Variants in CSF2RA observed in about 807,000 individuals in gnomAD.
CSF2RA encodes the protein colony stimulating factor 2 receptor subunit alpha, also known as granulocyte-macrophage colony-stimulating factor receptor subunit alpha.
In CSF2RA, 42 loss-of-function variants were observed where a neutral mutation model predicts 51.6. The observed-to-expected ratio is 0.81, with a 90% confidence interval of 0.64 to 1.05. The LOEUF (loss-of-function observed/expected upper bound fraction) is 1.05, where lower values mean the gene tolerates loss of function less well. CSF2RA is among the 50% of genes least tolerant of loss of function. The probability of loss-of-function intolerance (pLI) is 0.00; values close to 1 mark genes in which losing one functional copy is unlikely to be tolerated. For synonymous variants in CSF2RA, 222 were observed against 193.0 expected, an observed-to-expected ratio of 1.15 and a Z score of -1.24; for missense variants, 530 against 501.1, an observed-to-expected ratio of 1.06 and a Z score of -0.55.
At chrX:1,295,913 T>A (rs28669733) in intron 9 of CSF2RA, among the ~76,000 whole-genome samples, 1 of 115,612 alleles carries the variant, frequency 8.6e-6, no homozygotes, top group Non-Finnish European at 1.8e-5. Flanking sequence ...CCCCTACCGA[T>A]GACCTCCAGC....
At chrX:1,317,913 C>A in the CSF2RA span, among the ~76,000 whole-genome samples, 1 of 151,288 alleles carries the variant, frequency 6.6e-6, no homozygotes, top group African/African-American at 2.4e-5. Flanking sequence ...CTTAAACAAT[C>A]CTCCCACCTC....
rs372561930 is a variant in CSF2RA, at chrX:1,309,795, G to T, written c.*316G>T. 4.8e-6 allele frequency: 3 copies of T among 627,278 alleles called. No individual in the cohort carries two copies. Among genetic ancestry groups the T allele is most frequent in the African/African-American group, 1.8e-5 (1 of 54,740 alleles). The allele number at this position is 627,278 out of a possible 1,614,324, so 38.9% of individuals were successfully genotyped here. ...CCCAGCTACTTGGGAGGCTGAGGCA[G>T]GAGAATTGCTTGAACCCGTGAGGCG... is the stretch of plus-strand genomic sequence containing the variant. On this transcript the variant is annotated 3_prime_UTR_variant, in exon 13 of 13. Transcript: ENST00000381529.
intron 9 of CSF2RA, 48 bp downstream of exon 9, chrX:1,295,504 G>C (rs372756302): frequency 1.3e-6 from 2 of 1,552,794 alleles, no homozygotes; most frequent in Admixed American, 3.6e-5. Context: ...GTAACCCTAC[G>C]GTCCCCTACT....
chrX:1,318,857 C>A, the CSF2RA span, among the ~76,000 whole-genome samples: 1 of 146,826 alleles, frequency 6.8e-6, no homozygotes, highest in East Asian at 2.1e-4. Flanking sequence ...GCGGAGCTTG[C>A]AGTGAGCCGA....
At chrX:1,306,739 A>G (rs1405906310) in intron 12 of CSF2RA, among the ~76,000 whole-genome samples, 2 of 151,898 alleles carry the variant, frequency 1.3e-5, no homozygotes. Flanking sequence ...AGACAAAGAC[A>G]GAGAGACACA....
chrX:1,280,847 TCTC>T (rs1288485826), intron 2 of CSF2RA, among the ~76,000 whole-genome samples: 2 of 41,746 alleles, frequency 4.8e-5, no homozygotes, highest in Non-Finnish European at 9.0e-5. Context: ...TCCTCCTTCC[TCTC>T]CTTCTCCTCC....
chrX:1,319,840 G>A, the CSF2RA span, among the ~76,000 whole-genome samples: 14 of 148,000 alleles, frequency 9.5e-5, no homozygotes, highest in Non-Finnish European at 9.0e-5. Context: ...TCACCCTCCC[G>A]AGTAGCTGGG....
the CSF2RA span, among the ~76,000 whole-genome samples, chrX:1,322,356 T>C: frequency 4.0e-5 from 6 of 148,212 alleles, no homozygotes; most frequent in Admixed American, 1.4e-4. Context: ...TCGTGATCCG[T>C]CCACCTCAGC....
At chrX:1,314,351 C>T (rs750760980), downstream of CSF2RA, among the ~76,000 whole-genome samples, 1 of 142,758 alleles carries the variant, frequency 7.0e-6, no homozygotes, top group African/African-American at 2.6e-5. Context: ...CTGCGCCTGC[C>T]CAACCCCACT....
At chrX:1,291,137 G>C (rs2091352350) in intron 7 of CSF2RA, among the ~76,000 whole-genome samples, 1 of 152,028 alleles carries the variant, frequency 6.6e-6, no homozygotes, top group Non-Finnish European at 1.5e-5. Flanking sequence ...GGCCGGGCTA[G>C]TCTCGAACTC....
the CSF2RA span, among the ~76,000 whole-genome samples, chrX:1,325,110 C>A: frequency 5.4e-4 from 82 of 151,566 alleles, no homozygotes; most frequent in African/African-American, 1.9e-3. Flanking sequence ...CCTGTCATCC[C>A]AGCACTTTGG....
chrX:1,299,342 G>A (rs1331874699), intron 9 of CSF2RA, among the ~76,000 whole-genome samples: 4 of 152,178 alleles, frequency 2.6e-5, no homozygotes, highest in Non-Finnish European at 5.9e-5. Context: ...GAGTATGCTA[G>A]ACTTGGGGAT....
At chrX:1,315,204 A>G (rs2084523515), downstream of CSF2RA, among the ~76,000 whole-genome samples, 1 of 152,078 alleles carries the variant, frequency 6.6e-6, no homozygotes, top group Non-Finnish European at 1.5e-5. Flanking sequence ...AGATTCTATG[A>G]TGAGGACAGG....
downstream of CSF2RA, among the ~76,000 whole-genome samples, chrX:1,314,339 C>T (rs1390703219): frequency 8.8e-4 from 101 of 114,692 alleles, no homozygotes; most frequent in African/African-American, 1.1e-3. Flanking sequence ...TGCCCAACCC[C>T]ACTGCGCCTG....
At chrX:1,314,260 C>CCACACAGCAACTG, downstream of CSF2RA, among the ~76,000 whole-genome samples, 1 of 51,040 alleles carries the variant, frequency 2.0e-5, no homozygotes, top group Admixed American at 2.1e-4. Flanking sequence ...ACCTGCCCAA[C>CCACACAGCAACTG]CCCACTGCGC....
chrX:1,291,150 G>A (rs1356885057), intron 7 of CSF2RA, among the ~76,000 whole-genome samples: 1 of 152,002 alleles, frequency 6.6e-6, no homozygotes, highest in Non-Finnish European at 1.5e-5. Context: ...TCGAACTCCT[G>A]ACCTCAGATG....
intron 9 of CSF2RA, among the ~76,000 whole-genome samples, chrX:1,296,062 C>T (rs1180441328): frequency 1.3e-5 from 2 of 150,966 alleles, no homozygotes; most frequent in Non-Finnish European, 3.0e-5. Flanking sequence ...ACCATACAGT[C>T]CCCTACCCAT....
At chrX:1,290,175 T>A (rs2091260903) in intron 6 of CSF2RA, among the ~76,000 whole-genome samples, 162 bp from the exon 7 acceptor site, 1 of 151,938 alleles carries the variant, frequency 6.6e-6, no homozygotes, top group South Asian at 2.1e-4. Context: ...TTTTGTTTTG[T>A]GTTTTGTGTT....
intron 3 of CSF2RA, 47 bp from the exon 4 acceptor site, chrX:1,285,731 A>G (rs753523106): frequency 5.3e-6 from 5 of 944,898 alleles, no homozygotes; most frequent in African/African-American, 3.4e-5. Flanking sequence ...AAAAAAAAAA[A>G]GGAAAAGAAA....
Sources: gnomAD v4.1 joint callset for allele counts (sites outside exome capture counted in the v4.1 genomes callset) on GRCh38, gnomAD v4.1.1 for gene constraint, MANE v1.5 for transcripts, NCBI Gene and HGNC (gene_info 2026-07-23, HGNC 2026-07-21) for gene names.